Variants in ARID1B observed in about 807,000 individuals in gnomAD.
The protein encoded by ARID1B is AT-rich interaction domain 1B.
ARID1B carries 30 observed loss-of-function variants against 212.3 expected under a neutral mutation model. The ratio of observed to expected loss-of-function variants is 0.14; its 90% CI spans 0.11 to 0.19. ARID1B has a LOEUF of 0.19. Ranked by LOEUF, ARID1B falls within the 10% of genes least tolerant of loss-of-function variation. ARID1B has a pLI of 1.00. For synonymous variants in ARID1B, 1,402 were observed against 1,301.7 expected (o/e 1.08, Z -1.66); for missense variants, 2,891 against 3,204.0 (o/e 0.90, Z 2.36).
chr6:156,963,425 A>G (rs1389045743), intron 4 of ARID1B, among the ~76,000 whole-genome samples: 1 of 152,144 alleles, frequency 6.6e-6, no homozygotes, highest in Non-Finnish European at 1.5e-5. Context: ...TACTGTTTTT[A>G]TTATCTACTT....
chr6:156,807,603 A>C (rs1422325222), intron 1 of ARID1B, among the ~76,000 whole-genome samples: 1 of 152,172 alleles, frequency 6.6e-6, no homozygotes, highest in Non-Finnish European at 1.5e-5. Context: ...TCTTAAGTTA[A>C]ATGTGTCTTT....
chr6:156,981,919 AT>A (rs1183997614), intron 4 of ARID1B, among the ~76,000 whole-genome samples: 2 of 151,512 alleles, frequency 1.3e-5, no homozygotes, highest in Non-Finnish European at 2.9e-5. Context: ...CAGCTCCAGT[AT>A]TTTTTCTTAA....
rs529312999 is a variant in ARID1B at position 156,836,727 on chromosome 6, C to T, written c.1986+7306C>T. Among the ~76,000 whole-genome samples the T allele has an allele frequency of 5.3e-5, 8 of 152,256 alleles. No individual in the cohort carries two copies. In the East Asian group the frequency reaches 7.7e-4, roughly 15 times the overall value. ...TCACCCAGGATGGAGTGCAGTGGCA[C>T]GATCACGGCTCACTGCAGCCTTGAC... is the stretch of plus-strand genomic sequence containing the variant. On this transcript the variant is annotated intron_variant, in intron 2 of 19. Coordinates refer to ENST00000636930, the MANE Select transcript of ARID1B (RefSeq NM_001374828.1).
At chr6:157,147,927 C>T (rs1403521935) in intron 7 of ARID1B, among the ~76,000 whole-genome samples, 1 of 132,158 alleles carries the variant, frequency 7.6e-6, no homozygotes, top group Non-Finnish European at 1.6e-5. Flanking sequence ...CCGCCCTCAC[C>T]CTCGCCTTTG....
intron 11 of ARID1B, among the ~76,000 whole-genome samples, chr6:157,178,591 A>G (rs1481150126): frequency 2.0e-5 from 3 of 152,226 alleles, no homozygotes; most frequent in Non-Finnish European, 4.4e-5. Flanking sequence ...AGTTTCCTAC[A>G]TTATGGTGCC....
intron 7 of ARID1B, among the ~76,000 whole-genome samples, chr6:157,134,823 A>G (rs547985153): frequency 3.3e-5 from 5 of 152,264 alleles, no homozygotes; most frequent in Non-Finnish European, 7.4e-5. Context: ...TTTTGCTCCT[A>G]ATGTAATTGG....
intron 2 of ARID1B, among the ~76,000 whole-genome samples, chr6:156,852,563 T>C (rs287921): frequency 0.61 from 92,749 of 151,848 alleles, 28,692 homozygotes; most frequent in Non-Finnish European, 0.66. Flanking sequence ...ATGTAATTTT[T>C]CCCCCTCTGA....
chr6:157,174,544 T>A (rs1217840377), intron 10 of ARID1B, among the ~76,000 whole-genome samples: 2 of 151,702 alleles, frequency 1.3e-5, no homozygotes, highest in Non-Finnish European at 2.9e-5. Flanking sequence ...TTTTTTTTTT[T>A]CTTTCTTTCA....
chr6:156,995,552 C>T (rs1350067271), intron 4 of ARID1B, among the ~76,000 whole-genome samples: 1 of 152,196 alleles, frequency 6.6e-6, no homozygotes, highest in Non-Finnish European at 1.5e-5. Flanking sequence ...GGGTACTGTA[C>T]TAGGAACTGA....
intron 1 of ARID1B, among the ~76,000 whole-genome samples, chr6:156,791,746 C>T (rs944846412): frequency 3.3e-5 from 5 of 152,074 alleles, no homozygotes; most frequent in Admixed American, 1.3e-4. Context: ...AAATACCCAC[C>T]GTCTGTTCAC....
Position 156,965,516 on chromosome 6 carries a change from G to A in ARID1B, c.2247+29940G>A, listed in dbSNP as rs116877631. The stretch of plus-strand genomic sequence containing the variant: ...GGCGTTAACTGAATAAACTAAGTCT[G>A]CACTTAATCCGTGAATGTGTATTAA... On this transcript the variant is annotated intron_variant, in intron 4 of 19. Coordinates refer to ENST00000636930, the MANE Select transcript of ARID1B (RefSeq NM_001374828.1). 4.9e-3 allele frequency among the ~76,000 whole-genome samples: 751 copies of A among 152,300 alleles called. 7 individuals are homozygous for A. The highest frequency in any genetic ancestry group is 6.6e-3 in the Non-Finnish European group (450 of 68,020).
intron 7 of ARID1B, 51 bp downstream of exon 7, chr6:157,133,258 C>G: frequency 6.6e-7 from 1 of 1,508,848 alleles, no homozygotes; most frequent in Non-Finnish European, 8.9e-7. Context: ...TAGAAATTTT[C>G]TTAATGTGCT....
At chr6:157,149,211 G>A (rs1323146025) in intron 8 of ARID1B, 4 of 478,668 alleles carry the variant, frequency 8.4e-6, no homozygotes, top group Middle Eastern at 5.6e-4. Context: ...AAATGCCTGT[G>A]AATAGTCATT....
chr6:156,779,426 G>C lies in ARID1B; in HGVS notation c.1746G>C (p.Pro582=), dbSNP rs757043988. The C allele has an allele frequency of 6.8e-7, 1 of 1,465,806 alleles. No individual in the cohort carries two copies. Among genetic ancestry groups the C allele is most frequent in the Middle Eastern group, 1.9e-4 (1 of 5,172 alleles). The allele number at this position is 1,465,806 out of a possible 1,614,324, so 90.8% of individuals were successfully genotyped here. A position where few individuals can be genotyped will look rare whatever the true frequency, so the allele number is the denominator to read the frequency against. The part of the protein sequence containing the change: ...AWAAAQQRSH[P]AMSPGTPGPT... ...CGGCCGCGCAACAAAGGAGTCACCC[G>C]GCGATGAGCCCCGGCACCCCCGGAC... The change falls in exon 1 of 20, where the codon CCG becomes CCC. Residue 582 remains proline, a synonymous_variant. Coordinates refer to ENST00000636930, the MANE Select transcript of ARID1B (RefSeq NM_001374828.1).
At chr6:156,864,061 T>C (rs1785516401) in intron 2 of ARID1B, among the ~76,000 whole-genome samples, 1 of 152,224 alleles carries the variant, frequency 6.6e-6, no homozygotes. Flanking sequence ...TCCTTTTTTT[T>C]CTTCAAGTAG....
chr6:156,984,144 C>T (rs1271787756), intron 4 of ARID1B, among the ~76,000 whole-genome samples: 1 of 152,066 alleles, frequency 6.6e-6, no homozygotes, highest in Non-Finnish European at 1.5e-5. Flanking sequence ...GGAGGGGATT[C>T]GTTGAGCGTC....
At chr6:156,821,529 T>C (rs911365888) in intron 1 of ARID1B, among the ~76,000 whole-genome samples, 28 of 152,258 alleles carry the variant, frequency 1.8e-4, no homozygotes, top group African/African-American at 6.8e-4. Flanking sequence ...ACATTCATTG[T>C]AGATGCTTTG....
rs183706822 is a variant in ARID1B at position 157,177,916 on chromosome 6, C to T, written c.3504+2911C>T. ...GAGGAGTGTAAATGAAGACCTTTAT[C>T]CAAAGCCAGCGTCTATGAACAAGGA... On this transcript the variant is annotated intron_variant, in intron 11 of 19. Transcript: ENST00000636930. Among the ~76,000 whole-genome samples the T allele has an allele frequency of 1.2e-4, 19 of 152,260 alleles. No individual in the cohort carries two copies. In the East Asian group the frequency reaches 2.9e-3, roughly 23 times the overall value.
At chr6:157,202,395 T>C (rs1407923208) in intron 18 of ARID1B, among the ~76,000 whole-genome samples, 3 of 152,146 alleles carry the variant, frequency 2.0e-5, no homozygotes, top group Non-Finnish European at 2.9e-5. Context: ...ATTAAAGATA[T>C]TAATAATTTG....
Sources: gnomAD v4.1 joint callset for allele counts (sites outside exome capture counted in the v4.1 genomes callset) on GRCh38, gnomAD v4.1.1 for gene constraint, MANE v1.5 for transcripts, NCBI Gene and HGNC (gene_info 2026-07-23, HGNC 2026-07-21) for gene names.